The following TJP1 variants were observed in gnomAD, a reference collection of about 807,000 sequenced individuals.
TJP1 encodes tight junction protein 1, also known as tight junction protein ZO-1.
A neutral mutation model predicts 194.2 loss-of-function variants in TJP1; 43 were observed. That is an observed-to-expected ratio of 0.22 (90% CI 0.17 to 0.29). TJP1 has a LOEUF of 0.29. Ranked by LOEUF, TJP1 falls within the 10% of genes least tolerant of loss-of-function variation. The probability of loss-of-function intolerance (pLI) is 1.00; values close to 1 mark genes in which losing one functional copy is unlikely to be tolerated. For missense variants in TJP1, 1,971 were observed against 2,185.7 expected (o/e 0.90, Z 1.96); for synonymous variants, 801 against 779.0 (o/e 1.03, Z -0.47).
intron 23 of TJP1, among the ~76,000 whole-genome samples, chr15:29,715,620 C>A (rs1271561204): frequency 6.6e-6 from 1 of 152,088 alleles, no homozygotes; most frequent in Non-Finnish European, 1.5e-5. Flanking sequence ...GTGATGAATT[C>A]TAATATGTCA....
intron 18 of TJP1, among the ~76,000 whole-genome samples, 169 bp from the exon 19 acceptor site, chr15:29,720,877 A>C (rs2042887945): frequency 6.6e-6 from 1 of 152,194 alleles, no homozygotes; most frequent in Admixed American, 6.5e-5. Flanking sequence ...ACACACGCAG[A>C]CACATGGAGC....
intron 2 of TJP1, among the ~76,000 whole-genome samples, chr15:29,896,975 G>GA (rs971618541): frequency 2.0e-4 from 30 of 151,516 alleles, no homozygotes; most frequent in East Asian, 5.8e-4. Context: ...CAATGCAATA[G>GA]AAAAAAAAAT....
intron 2 of TJP1, among the ~76,000 whole-genome samples, chr15:29,933,867 G>C (rs2054800097): frequency 6.6e-6 from 1 of 152,114 alleles, no homozygotes; most frequent in South Asian, 2.1e-4. Flanking sequence ...CAGGAGAAAA[G>C]AACCGGGGTC....
rs1410441591 is a variant in TJP1 at position 29,822,204 on chromosome 15, C to T, written c.-176G>A. ...AGGGAATTCAACTCGGACAAAAGTC[C>T]GGGAAGCGCCCGCCCCGCCCGGGTC... On this transcript the variant is annotated 5_prime_UTR_variant, in exon 1 of 28. Coordinates refer to ENST00000614355, the MANE Select transcript of TJP1 (RefSeq NM_001330239.4). The T allele has an allele frequency of 1.7e-6, 2 of 1,176,442 alleles. No homozygotes were observed. Among genetic ancestry groups the T allele is most frequent in the Non-Finnish European group, 2.1e-6 (2 of 952,250 alleles). 72.9% of individuals were successfully genotyped at this position (1,176,442 alleles called of 1,614,324 possible). A position where few individuals can be genotyped will look rare whatever the true frequency, so the allele number is the denominator to read the frequency against.
At chr15:29,796,553 T>C (rs986320022) in intron 2 of TJP1, among the ~76,000 whole-genome samples, 3 of 152,204 alleles carry the variant, frequency 2.0e-5, no homozygotes, top group Non-Finnish European at 4.4e-5. Flanking sequence ...TATTCATAGT[T>C]TGGAATATTC....
At chr15:29,761,966 A>G (rs1595797615) in intron 6 of TJP1, among the ~76,000 whole-genome samples, 197 bp from the exon 7 acceptor site, 1 of 152,220 alleles carries the variant, frequency 6.6e-6, no homozygotes, top group Middle Eastern at 3.4e-3. Context: ...TGTCAGAAAA[A>G]CCCATAGTAG....
intron 2 of TJP1, among the ~76,000 whole-genome samples, chr15:29,846,794 C>T (rs577085806): frequency 2.4e-4 from 36 of 152,064 alleles, no homozygotes; most frequent in Non-Finnish European, 3.4e-4. Flanking sequence ...GGCCTGGTGG[C>T]GGGTGCCTGT....
chr15:29,798,725 G>A (rs550194709), intron 2 of TJP1, among the ~76,000 whole-genome samples: 2 of 152,318 alleles, frequency 1.3e-5, no homozygotes, highest in East Asian at 3.9e-4. Flanking sequence ...CTGTACACTA[G>A]AGGTTTGTTC....
At position 29,701,582 on chromosome 15, in the gene TJP1, T is replaced by C. The variant is rs1394376230; in HGVS notation, c.*13A>G. 6.3e-7 allele frequency: 1 copy of C among 1,597,926 alleles called. No individual in the cohort carries two copies. On this transcript the variant is annotated 3_prime_UTR_variant, in exon 28 of 28. Coordinates refer to ENST00000614355, the MANE Select transcript of TJP1 (RefSeq NM_001330239.4). ...TCCAGTTTCACATTATTTAAGTTCC[T>C]ATATTTCAAGAGTTAAAAGTGGTCA...
rs528917489 is a variant in TJP1, at chr15:29,761,619, T to A, written c.844A>T (p.Asn282Tyr). 3.1e-6 allele frequency: 5 copies of A among 1,604,482 alleles called. No individual in the cohort carries two copies. In the South Asian group the frequency reaches 5.5e-5, roughly 18 times the overall value. The change falls in exon 7 of 28, where the codon AAT becomes TAT. Residue 282 changes from asparagine (N) to tyrosine (Y), a missense_variant. Coordinates refer to ENST00000614355, the MANE Select transcript of TJP1 (RefSeq NM_001330239.4). ...CACTCACCGTCTCTCTCAGAGGCAT[T>A]AGCAGAGTGGATGCTGTCAGAAAGA... The part of the protein sequence containing the change: ...PDLSDSIHSA[N>Y]ASERDDISEI...
At chr15:29,812,021 T>C (rs1170166761) in intron 1 of TJP1, among the ~76,000 whole-genome samples, 1 of 152,236 alleles carries the variant, frequency 6.6e-6, no homozygotes, top group African/African-American at 2.4e-5. Context: ...GCTAACATAA[T>C]AGCTTAGTAT....
intron 2 of TJP1, among the ~76,000 whole-genome samples, chr15:29,920,012 GAC>G (rs2054306270): frequency 2.0e-5 from 3 of 152,194 alleles, no homozygotes; most frequent in Admixed American, 6.5e-5. Context: ...CATCTAGGCA[GAC>G]ACAACATCTG....
intron 25 of TJP1, among the ~76,000 whole-genome samples, chr15:29,706,345 C>T (rs1044814131): frequency 6.6e-6 from 1 of 152,182 alleles, no homozygotes; most frequent in Non-Finnish European, 1.5e-5. Flanking sequence ...TAATGAATTG[C>T]AACCTGAAAG....
intron 5 of TJP1, among the ~76,000 whole-genome samples, chr15:29,765,867 G>C (rs1281964941): frequency 6.6e-6 from 1 of 152,146 alleles, no homozygotes; most frequent in African/African-American, 2.4e-5. Context: ...ACTCCAGCCT[G>C]GGTGACAGAG....
intron 8 of TJP1, among the ~76,000 whole-genome samples, chr15:29,752,938 G>A (rs2045384532): frequency 6.6e-6 from 1 of 151,968 alleles, no homozygotes; most frequent in South Asian, 2.1e-4. Flanking sequence ...TACACGCTTT[G>A]CCTTATTCCA....
chr15:29,907,995 GA>G (rs551914897), intron 2 of TJP1, among the ~76,000 whole-genome samples: 92 of 118,322 alleles, frequency 7.8e-4, no homozygotes, highest in Admixed American at 3.9e-3. Context: ...ACAGAGAGGG[GA>G]AAAACACCGA....
chr15:29,900,472 G>A (rs2152194866), intron 2 of TJP1, among the ~76,000 whole-genome samples: 1 of 152,302 alleles, frequency 6.6e-6, no homozygotes, highest in East Asian at 1.9e-4. Context: ...CAGTACAGGT[G>A]AGAGATGATA....
At chr15:29,963,803 G>A (rs545175237) in intron 1 of TJP1, among the ~76,000 whole-genome samples, 6 of 152,112 alleles carry the variant, frequency 3.9e-5, no homozygotes, top group African/African-American at 1.2e-4. Context: ...ACAGGTACGC[G>A]CCATCACGCC....
chr15:29,822,722 A>C (rs2050506365), upstream of TJP1: 1 of 155,786 alleles, frequency 6.4e-6, no homozygotes, highest in South Asian at 2.0e-4. Flanking sequence ...CCCCAAGGAG[A>C]AAGCGCCTGT....
Sources: gnomAD v4.1 joint callset for allele counts (sites outside exome capture counted in the v4.1 genomes callset) on GRCh38, gnomAD v4.1.1 for gene constraint, MANE v1.5 for transcripts, NCBI Gene and HGNC (gene_info 2026-07-23, HGNC 2026-07-21) for gene names.